Variants in JUP observed in about 807,000 individuals in gnomAD.
JUP encodes the protein catenin (cadherin-associated protein), gamma 80kDa.
A neutral mutation model predicts 71.1 loss-of-function variants in JUP; 28 were observed. The observed-to-expected ratio is 0.39, with a 90% CI of 0.29 to 0.54. The LOEUF is 0.54. Among genes scored for constraint, JUP ranks in the 20% least tolerant of loss-of-function variants. The pLI, the probability that JUP is intolerant of heterozygous loss-of-function variation, is 0.62. For synonymous variants in JUP, 401 were observed against 438.9 expected (o/e 0.91, Z 1.08); for missense variants, 869 against 1,030.1 (o/e 0.84, Z 2.14).
At chr17:41,761,412 C>T (rs1469574475) in intron 8 of JUP, among the ~76,000 whole-genome samples, 5 of 152,162 alleles carry the variant, frequency 3.3e-5, no homozygotes, top group East Asian at 1.9e-4. Context: ...AGAACACATC[C>T]GTGGGGATGA....
chr17:41,774,018 C>A (rs991774463), intron 1 of JUP, among the ~76,000 whole-genome samples: 19 of 152,214 alleles, frequency 1.2e-4, no homozygotes, highest in Admixed American at 3.3e-4. Flanking sequence ...CAGTGCCTAA[C>A]CCTGGGGCTT....
rs189770898 is a variant in JUP, at chr17:41,768,324, G to A, written c.707+645C>T. Among the ~76,000 whole-genome samples, 469 of 152,126 alleles carry A rather than the reference G, an allele frequency of 3.1e-3. 18 individuals carry two copies. The highest frequency in any genetic ancestry group is 0.029 in the Admixed American group (450 of 15,278). ...TGAGGCAGGAGAATCTCTTGAACCCGGGAGGCAGAGGTTGCAGTAAGCCGA... is the reference window on the plus strand; with the variant it reads ...TGAGGCAGGAGAATCTCTTGAACCCAGGAGGCAGAGGTTGCAGTAAGCCGA... On this transcript the variant is annotated intron_variant, in intron 4 of 13. Coordinates refer to ENST00000393931, the MANE Select transcript of JUP (RefSeq NM_002230.4).
At chr17:41,771,945 G>T (rs1010111334) in intron 1 of JUP, 83 bp from the exon 2 acceptor site, 2 of 1,131,308 alleles carry the variant, frequency 1.8e-6, no homozygotes, top group Non-Finnish European at 1.3e-6. Context: ...AGCCCCGCCT[G>T]TCTTCCCACA....
intron 4 of JUP, among the ~76,000 whole-genome samples, chr17:41,768,602 G>T (rs1916080241): frequency 6.6e-6 from 1 of 152,046 alleles, no homozygotes; most frequent in Non-Finnish European, 1.5e-5. Flanking sequence ...CATTTTGTAG[G>T]GGGCCAGGAA....
At position 41,767,425 on chromosome 17, in the gene JUP, G is replaced by A; in HGVS notation, c.863C>T (p.Thr288Ile). 6.2e-7 allele frequency: 1 copy of A among 1,614,186 alleles called. No homozygotes were observed. The highest frequency in any genetic ancestry group is 1.7e-4 in the Middle Eastern group (1 of 6,056). The stretch of plus-strand genomic sequence containing the variant: ...GGCCAGGAGCTGCAGGCAGTCGGTG[G>A]TGATGGCCAGGAACTTGGGGTTGTT... The part of the protein sequence containing the change: ...NKNNPKFLAI[T>I]TDCLQLLAYG... Residue 288 changes from threonine to isoleucine, a missense_variant, in exon 5 of 14, where the codon ACC becomes ATC. Thr to Ile is a moderately conservative substitution (Grantham distance 89). Transcript: ENST00000393931.
intron 1 of JUP, among the ~76,000 whole-genome samples, chr17:41,780,907 A>G (rs555648170): frequency 4.0e-4 from 60 of 150,808 alleles, no homozygotes; most frequent in Middle Eastern, 3.5e-3. Context: ...TAGGCCGGGC[A>G]CAGTGGCTCA....
rs1555603220 is a variant in JUP, at chr17:41,764,778, T to A, written c.1093A>T (p.Ser365Cys). The A allele has an allele frequency of 6.2e-7, 1 of 1,613,730 alleles. No individual in the cohort carries two copies. Among genetic ancestry groups the A allele is most frequent in the South Asian group, 1.1e-5 (1 of 91,054 alleles). ...AGGCAGTTCTGCACCAGGCGGGGGC[T>A]GTTGCTGGTCAGGTGCTTGCCCAGG... is the stretch of plus-strand genomic sequence containing the variant. ...QALGKHLTSN[S>C]PRLVQNCLWT... Residue 365 changes from serine (S) to cysteine (C), a missense_variant, in exon 7 of 14, where the codon AGC (serine) becomes TGC (cysteine). Coordinates refer to ENST00000393931, the MANE Select transcript of JUP (RefSeq NM_002230.4).
Position 41,763,323 on chromosome 17 carries a change from T to A in JUP, c.1159-2A>T. The A allele has an allele frequency of 8.1e-6, 13 of 1,612,522 alleles. No homozygotes were observed. Among genetic ancestry groups the A allele is most frequent in the Non-Finnish European group, 1.1e-5 (13 of 1,178,730 alleles). Reference sequence around the variant, plus strand: ...CTTCAGCACACTCTCCAGGCCCTCCTGGAGGGCAAGGAAGGGACGGGGGAG... The same window carrying A: ...CTTCAGCACACTCTCCAGGCCCTCCAGGAGGGCAAGGAAGGGACGGGGGAG... On this transcript the variant is annotated splice_acceptor_variant, in intron 7 of 13. Coordinates refer to ENST00000393931, the MANE Select transcript of JUP (RefSeq NM_002230.4). LOFTEE classifies it high-confidence loss of function.
In JUP at chr17:41,755,844, G is replaced by A. The variant is rs530653041; in HGVS notation, c.2138C>T (p.Pro713Leu). Residue 713 changes from proline to leucine, a missense_variant, in exon 14 of 14, where the codon CCG becomes CTG. Physicochemically the swap from Pro to Leu is moderately conservative, Grantham distance 98. Transcript: ENST00000393931. The stretch of plus-strand genomic sequence containing the variant: ...ATCCATGTCCATGTGCATCTCCAGC[G>A]GGTCAAGGGGCACATCGCTGGAGTA... Reference protein sequence around the residue: ...PMYSSDVPLDPLEMHMDMDGD... With the variant: ...PMYSSDVPLDLLEMHMDMDGD... The A allele has an allele frequency of 7.4e-6, 12 of 1,613,300 alleles. No homozygotes were observed. Among genetic ancestry groups the A allele is most frequent in the South Asian group, 3.3e-5 (3 of 91,002 alleles).
chr17:41,771,411 C>G (rs1409710148), intron 2 of JUP: 1 of 593,402 alleles, frequency 1.7e-6, no homozygotes, highest in African/African-American at 1.9e-5. Context: ...AGGGCAGGGA[C>G]TATGCCTTCC....
intron 1 of JUP, chr17:41,772,260 G>T: frequency 2.9e-6 from 1 of 343,760 alleles, no homozygotes; most frequent in East Asian, 7.4e-5. Flanking sequence ...AGCTTCTGAG[G>T]TCCCCTGGGC....
chr17:41,765,051 T>C lies in JUP; in HGVS notation c.926A>G (p.Asn309Ser), dbSNP rs140606359. ...CTGCACGAGGGCCTGGGGCCCACCA[T>C]TGGCCAGGATGATCAGCTATGGGTA... ...NQESKLIILA[N>S]GGPQALVQIM... The change falls in exon 6 of 14, where the codon AAT (asparagine) becomes AGT (serine). Residue 309 changes from asparagine to serine, a missense_variant. By Grantham distance (46) the Asn-to-Ser change is conservative. Transcript: ENST00000393931. 6.9e-5 allele frequency: 112 copies of C among 1,614,074 alleles called. No homozygotes were observed. The highest frequency in any genetic ancestry group is 8.6e-5 in the Non-Finnish European group (101 of 1,179,972).
intron 8 of JUP, among the ~76,000 whole-genome samples, chr17:41,762,162 A>AGT (rs1914949143): frequency 3.4e-5 from 3 of 87,124 alleles, no homozygotes; most frequent in African/African-American, 1.3e-4. Flanking sequence ...AGAGAGAGAG[A>AGT]GAGAGAGAGA....
intron 1 of JUP, among the ~76,000 whole-genome samples, chr17:41,777,993 AAAC>A (rs1294120293): frequency 1.3e-5 from 2 of 152,200 alleles, no homozygotes; most frequent in Non-Finnish European, 2.9e-5. Flanking sequence ...CCACACCAGG[AAAC>A]AACAACAAAA....
chr17:41,778,893 A>G (rs1301984892), intron 1 of JUP, among the ~76,000 whole-genome samples: 4 of 151,670 alleles, frequency 2.6e-5, no homozygotes, highest in African/African-American at 9.7e-5. Flanking sequence ...CCTGGGTGAC[A>G]GAGCGAGACT....
chr17:41,785,508 G>T (rs902594089), intron 1 of JUP, among the ~76,000 whole-genome samples: 1 of 152,142 alleles, frequency 6.6e-6, no homozygotes, highest in Admixed American at 6.5e-5. Flanking sequence ...GGATGAATGT[G>T]GGGGCAGGGA....
In JUP at chr17:41,757,674, G is replaced by C; in HGVS notation, c.1884C>G (p.Ala628=). 3 of 1,613,592 alleles carry C rather than the reference G, an allele frequency of 1.9e-6. No individual in the cohort carries two copies. Among genetic ancestry groups the C allele is most frequent in the East Asian group, 2.2e-5 (1 of 44,862 alleles). Residue 628 remains alanine (A), a synonymous_variant, in exon 11 of 14, where the codon GCC becomes GCG. Coordinates refer to ENST00000393931, the MANE Select transcript of JUP (RefSeq NM_002230.4). Reference sequence around the variant, plus strand: ...GGGAGTGCAGCAACTCCATGAGTGGGGCCGAGGCCCCCTCTGCATCAATGG... The same window carrying C: ...GGGAGTGCAGCAACTCCATGAGTGGCGCCGAGGCCCCCTCTGCATCAATGG... The part of the protein sequence containing the change: ...ADAIDAEGAS[A]PLMELLHSRN...
In JUP at chr17:41,769,119, A is replaced by ACCAGCTGGGGCGAGC. The variant is rs1555605296; in HGVS notation, c.542_556dup (p.Gly181_Leu185dup). On this transcript the variant is annotated inframe_insertion, in exon 4 of 14. Transcript: ENST00000393931. ...CTGCATGGTACGCACGACAGCGGCC[A>ACCAGCTGGGGCGAGC]CCAGCTGGGGCGAGCCCATCAGGGC... 1 of 1,610,900 alleles carries ACCAGCTGGGGCGAGC rather than the reference A, an allele frequency of 6.2e-7. No individual in the cohort carries two copies. Among genetic ancestry groups the ACCAGCTGGGGCGAGC allele is most frequent in the African/African-American group, 1.3e-5 (1 of 74,898 alleles).
Position 41,770,475 on chromosome 17 carries a change from C to G in JUP, c.209-798G>C, listed in dbSNP as rs142056275. On this transcript the variant is annotated intron_variant, in intron 2 of 13. Transcript: ENST00000393931. ...AGGAGACAGCTGCATGGCTTTCCCACCTGGATGCTGTACTTTTTGCTACCA... is the reference window on the plus strand; with the variant it reads ...AGGAGACAGCTGCATGGCTTTCCCAGCTGGATGCTGTACTTTTTGCTACCA... Among the ~76,000 whole-genome samples, 7 of 152,294 alleles carry G rather than the reference C, an allele frequency of 4.6e-5. No homozygotes were observed. In the East Asian group the frequency reaches 1.3e-3, roughly 29 times the overall value.
Sources: gnomAD v4.1 joint callset for allele counts (sites outside exome capture counted in the v4.1 genomes callset) on GRCh38, gnomAD v4.1.1 for gene constraint, MANE v1.5 for transcripts, NCBI Gene and HGNC (gene_info 2026-07-23, HGNC 2026-07-21) for gene names.